The following SPEN variants were observed in gnomAD, a reference collection of about 807,000 sequenced individuals.
SPEN encodes spen family transcriptional repressor.
In SPEN, 18 loss-of-function variants were observed where a neutral mutation model predicts 269.9. The ratio of observed to expected loss-of-function variants is 0.07; its 90% confidence interval spans 0.05 to 0.10. SPEN has a LOEUF of 0.10. SPEN is among the 10% of genes least tolerant of loss of function. The pLI, the probability that SPEN is intolerant of heterozygous loss-of-function variation, is 1.00. For synonymous variants in SPEN, 1,726 were observed against 1,765.7 expected (o/e 0.98, Z 0.56); for missense variants, 3,822 against 4,631.2 (o/e 0.83, Z 5.07).
intron 3 of SPEN, among the ~76,000 whole-genome samples, chr1:15,896,432 G>A (rs2070843199): frequency 6.6e-6 from 1 of 151,828 alleles, no homozygotes; most frequent in Non-Finnish European, 1.5e-5. Flanking sequence ...CTGACCTCAG[G>A]TTATCCACCC....
intron 5 of SPEN, among the ~76,000 whole-genome samples, chr1:15,915,600 T>G (rs894644539): frequency 5.3e-5 from 8 of 152,194 alleles, no homozygotes; most frequent in Non-Finnish European, 1.2e-4. Context: ...AGTGGCGTGA[T>G]CACAGTTCAC....
At position 15,939,587 on chromosome 1, in the gene SPEN, C is replaced by A; in HGVS notation, c.*160C>A. 1 of 847,768 alleles carries A rather than the reference C, an allele frequency of 1.2e-6. No individual in the cohort carries two copies. The highest frequency in any genetic ancestry group is 1.7e-6 in the Non-Finnish European group (1 of 577,038). The allele number at this position is 847,768 out of a possible 1,614,324, so 52.5% of individuals were successfully genotyped here. On this transcript the variant is annotated 3_prime_UTR_variant, in exon 15 of 15. Coordinates refer to ENST00000375759, the MANE Select transcript of SPEN (RefSeq NM_015001.3). This position sits in a 1 kb window ranked among gnomAD's most constrained non-coding sequence, Gnocchi z 4.1. ...CTGCCGCCCGGCTCAGTCGGCCAGA[C>A]TTCCTCTAGGAGTGGTGCTGCTACC...
At position 15,931,306 on chromosome 1, in the gene SPEN, C is replaced by T. The variant is rs1203124118; in HGVS notation, c.5066C>T (p.Pro1689Leu). ...GAAGAAGCAAAGCCTGCATCTGAAC[C>T]TGCTCCTGCCCCTGTGGAACAGCTG... ...VSEEAKPASE[P>L]APAPVEQLEQ... is the part of the protein sequence containing the mutation. The change falls in exon 11 of 15, where the codon CCT becomes CTT. Residue 1689 changes from proline (P) to leucine (L), a missense_variant. Around this residue, in one of 16 missense-constraint regions of SPEN, gnomAD observed 533 missense variants for 618.8 expected, o/e 0.86. Transcript: ENST00000375759. This position sits in a 1 kb window ranked among gnomAD's most constrained non-coding sequence, Gnocchi z 4.8. 4 of 1,614,086 alleles carry T rather than the reference C, an allele frequency of 2.5e-6. No homozygotes were observed. The highest frequency in any genetic ancestry group is 3.4e-6 in the Non-Finnish European group (4 of 1,180,046).
intron 7 of SPEN, among the ~76,000 whole-genome samples, 155 bp from the exon 8 acceptor site, chr1:15,919,249 T>A (rs1294837285): frequency 6.6e-6 from 1 of 152,228 alleles, no homozygotes; most frequent in East Asian, 1.9e-4. Context: ...GGCAGGATTT[T>A]TTTTGTATAT....
At position 15,928,960 on chromosome 1, in the gene SPEN, C is replaced by A; in HGVS notation, c.2720C>A (p.Thr907Asn). The change falls in exon 11 of 15, where the codon ACT (threonine) becomes AAT (asparagine). Residue 907 changes from threonine to asparagine, a missense_variant. Thr to Asn is a moderately conservative substitution (Grantham distance 65). Coordinates refer to ENST00000375759, the MANE Select transcript of SPEN (RefSeq NM_015001.3). This position sits in a 1 kb window ranked among gnomAD's most constrained non-coding sequence, Gnocchi z 5.7. ...EKLKAKLDND[T>N]VKSSALDQKL... Reference sequence around the variant, plus strand: ...TTGAAAGCCAAGCTTGATAATGACACTGTCAAATCTTCTGCCCTGGACCAG... The same window carrying A: ...TTGAAAGCCAAGCTTGATAATGACAATGTCAAATCTTCTGCCCTGGACCAG... 6 of 1,614,244 alleles carry A rather than the reference C, an allele frequency of 3.7e-6. No homozygotes were observed. The highest frequency in any genetic ancestry group is 5.1e-6 in the Non-Finnish European group (6 of 1,180,050).
chr1:15,916,431 T>C, intron 6 of SPEN, 152 bp downstream of exon 6: 1 of 756,638 alleles, frequency 1.3e-6, no homozygotes, highest in Non-Finnish European at 2.0e-6. Context: ...ATCCAGAGAA[T>C]CCCATTGGGT....
At chr1:15,889,459 C>G (rs1266973679) in intron 3 of SPEN, among the ~76,000 whole-genome samples, 1 of 152,080 alleles carries the variant, frequency 6.6e-6, no homozygotes, top group Non-Finnish European at 1.5e-5. Flanking sequence ...AGCCACCGTG[C>G]CTGGCCAACA....
At chr1:15,922,649 G>T (rs189331751) in intron 10 of SPEN, among the ~76,000 whole-genome samples, 2 of 151,958 alleles carry the variant, frequency 1.3e-5, no homozygotes, top group African/African-American at 4.8e-5. Flanking sequence ...TTGAGACAGG[G>T]TCTCACTCTG....
At chr1:15,892,514 C>A (rs193275860) in intron 3 of SPEN, among the ~76,000 whole-genome samples, 1 of 151,894 alleles carries the variant, frequency 6.6e-6, no homozygotes, top group Admixed American at 6.6e-5. Context: ...TTTTTAAATT[C>A]CCTAAACCCT....
chr1:15,907,778 A>C (rs1250626136), intron 3 of SPEN, among the ~76,000 whole-genome samples: 3 of 152,210 alleles, frequency 2.0e-5, no homozygotes, highest in Non-Finnish European at 4.4e-5. Flanking sequence ...CAAGCCACAA[A>C]AGTCTTGCAT....
intron 1 of SPEN, among the ~76,000 whole-genome samples, chr1:15,860,609 C>CT (rs368279811): frequency 9.6e-4 from 138 of 143,592 alleles, no homozygotes; most frequent in Middle Eastern, 3.6e-3. Flanking sequence ...CTATTAGTGA[C>CT]TTTTTTTTTT....
intron 3 of SPEN, among the ~76,000 whole-genome samples, chr1:15,903,787 C>T (rs1416544826): frequency 2.0e-5 from 3 of 152,132 alleles, no homozygotes; most frequent in Non-Finnish European, 4.4e-5. Flanking sequence ...TGCCCGGCTT[C>T]CAATTCTTTA....
chr1:15,937,817 C>T lies in SPEN; in HGVS notation c.10515C>T (p.Tyr3505=). 1 of 1,614,086 alleles carries T rather than the reference C, an allele frequency of 6.2e-7. No homozygotes were observed. The highest frequency in any genetic ancestry group is 8.5e-7 in the Non-Finnish European group (1 of 1,180,000). Residue 3505 remains tyrosine, a synonymous_variant, in exon 13 of 15, where the codon TAC becomes TAT. Coordinates refer to ENST00000375759, the MANE Select transcript of SPEN (RefSeq NM_015001.3). This position sits in a 1 kb window ranked among gnomAD's most constrained non-coding sequence, Gnocchi z 5.7. ...GTTTGTTTCCCTGTGAGCAGAAGTA[C>T]CCCATCGTGTGGCAGGGCCTGCTGG... ...PVDMVQLLKK[Y]PIVWQGLLAL... is the part of the protein sequence containing the mutation.
intron 1 of SPEN, among the ~76,000 whole-genome samples, chr1:15,849,458 C>T (rs780269055): frequency 6.6e-6 from 1 of 152,234 alleles, no homozygotes; most frequent in African/African-American, 2.4e-5. Flanking sequence ...AAACCCTCGC[C>T]GCTGGAGCGC....
intron 1 of SPEN, among the ~76,000 whole-genome samples, chr1:15,849,075 TTTTC>T (rs2070306808): frequency 6.6e-6 from 1 of 152,170 alleles, no homozygotes; most frequent in Non-Finnish European, 1.5e-5. Context: ...GTGTAGTGCG[TTTTC>T]TTTGTGAAAT....
intron 1 of SPEN, among the ~76,000 whole-genome samples, chr1:15,861,949 G>T (rs2070452989): frequency 6.6e-6 from 1 of 152,186 alleles, no homozygotes; most frequent in African/African-American, 2.4e-5. Context: ...GGCTGAGGCA[G>T]GAGAATCGCT....
intron 1 of SPEN, among the ~76,000 whole-genome samples, chr1:15,871,612 T>G (rs1264943345): frequency 6.6e-6 from 1 of 152,144 alleles, no homozygotes. Context: ...TAATTTTAAT[T>G]GTACCTATAT....
chr1:15,911,279 A>C lies in SPEN; in HGVS notation c.1221A>C (p.Glu407Asp), dbSNP rs1463367834. 2 of 1,614,002 alleles carry C rather than the reference A, an allele frequency of 1.2e-6. No individual in the cohort carries two copies. Among genetic ancestry groups the C allele is most frequent in the African/African-American group, 2.7e-5 (2 of 74,930 alleles). ...KGKLFFGMQIEVTAWIGPETE... is the reference protein window; with the variant it reads ...KGKLFFGMQIDVTAWIGPETE... ...AACTTTTCTTTGGCATGCAGATTGA[A>C]GTAACAGCATGGATAGGTCCAGGTA... Residue 407 changes from glutamate (E) to aspartate (D), a missense_variant, in exon 5 of 15, where the codon GAA becomes GAC. By Grantham distance (45) the Glu-to-Asp change is conservative (BLOSUM62 2). This residue lies in a region of SPEN where 230 missense variants were observed against 426.1 expected (regional missense o/e 0.54). Coordinates refer to ENST00000375759, the MANE Select transcript of SPEN (RefSeq NM_015001.3).
chr1:15,867,094 T>C (rs2070522540), intron 1 of SPEN, among the ~76,000 whole-genome samples: 1 of 152,216 alleles, frequency 6.6e-6, no homozygotes, highest in South Asian at 2.1e-4. Context: ...AATTGTAGAA[T>C]AGTTTCATCA....
Sources: gnomAD v4.1 joint callset for allele counts (sites outside exome capture counted in the v4.1 genomes callset) on GRCh38, gnomAD v4.1.1 for gene constraint, gnomAD v4.1.1 regional missense constraint, Gnocchi (gnomAD v3.1) non-coding constraint, MANE v1.5 for transcripts, NCBI Gene and HGNC (gene_info 2026-07-23, HGNC 2026-07-21) for gene names.